The following NFIB variants were observed in gnomAD, a reference collection of about 807,000 sequenced individuals.
NFIB encodes the protein nuclear factor I B, also known as nuclear factor 1 B-type.
A neutral mutation model predicts 61.5 loss-of-function variants in NFIB; 11 were observed. The ratio of observed to expected loss-of-function variants is 0.18; its 90% CI spans 0.11 to 0.30. The LOEUF (loss-of-function observed/expected upper bound fraction) is 0.30, where lower values mean the gene tolerates loss of function less well. Among genes scored for constraint, NFIB ranks in the 10% least tolerant of loss-of-function variants. The pLI, the probability that NFIB is intolerant of heterozygous loss-of-function variation, is 1.00. For missense variants in NFIB, 471 were observed against 608.9 expected, an observed-to-expected ratio of 0.77 and a Z score of 2.38; for synonymous variants, 260 against 216.5, an observed-to-expected ratio of 1.20 and a Z score of -1.76.
intron 8 of NFIB, among the ~76,000 whole-genome samples, chr9:14,118,079 G>A (rs907051329): frequency 6.6e-6 from 1 of 151,868 alleles, no homozygotes; most frequent in African/African-American, 2.4e-5. Context: ...AAAAATCAAA[G>A]CAGATACACT....
the NFIB span, among the ~76,000 whole-genome samples, chr9:14,487,850 C>T: frequency 6.6e-6 from 1 of 152,258 alleles, no homozygotes; most frequent in African/African-American, 2.4e-5. Context: ...ATGCTCCAGA[C>T]AGACGACGAA....
intron 1 of NFIB, among the ~76,000 whole-genome samples, chr9:14,394,636 G>A (rs944371098): frequency 1.3e-5 from 2 of 152,182 alleles, no homozygotes; most frequent in Non-Finnish European, 2.9e-5. Flanking sequence ...GATTATTACA[G>A]TTCAAGGTGA....
At chr9:14,420,303 G>C in the NFIB span, among the ~76,000 whole-genome samples, 2 of 151,962 alleles carry the variant, frequency 1.3e-5, no homozygotes, top group East Asian at 3.9e-4. Context: ...AAAAATTAGT[G>C]GGCTTGGTGG....
At chr9:14,203,254 A>G (rs998777992) in intron 2 of NFIB, among the ~76,000 whole-genome samples, 9 of 152,150 alleles carry the variant, frequency 5.9e-5, no homozygotes, top group African/African-American at 1.7e-4. Context: ...TCACGGCAAC[A>G]TAACATTCAC....
chr9:14,282,008 A>C (rs914306427), intron 2 of NFIB, among the ~76,000 whole-genome samples: 2 of 152,204 alleles, frequency 1.3e-5, no homozygotes, highest in African/African-American at 2.4e-5. Flanking sequence ...TTTAAAGGAA[A>C]AACTTTGTGG....
chr9:14,417,936 C>T, the NFIB span, among the ~76,000 whole-genome samples: 1 of 151,938 alleles, frequency 6.6e-6, no homozygotes, highest in East Asian at 1.9e-4. Flanking sequence ...GCCCCCCACG[C>T]CCAGCTAATT....
At chr9:14,208,180 T>G (rs766493045) in intron 2 of NFIB, among the ~76,000 whole-genome samples, 65 of 152,192 alleles carry the variant, frequency 4.3e-4, no homozygotes, top group Non-Finnish European at 2.9e-4. Flanking sequence ...GGGTAGGCCA[T>G]TTTTTTAAAC....
At chr9:14,199,180 G>C (rs1223474903) in intron 2 of NFIB, among the ~76,000 whole-genome samples, 1 of 152,230 alleles carries the variant, frequency 6.6e-6, no homozygotes, top group African/African-American at 2.4e-5. Context: ...TATTGGCATA[G>C]GTGACTTGAG....
chr9:14,350,521 G>T (rs937874924), intron 1 of NFIB, among the ~76,000 whole-genome samples: 1 of 151,578 alleles, frequency 6.6e-6, no homozygotes, highest in South Asian at 2.1e-4. Context: ...GGGTGGGGGG[G>T]GAAGTTGGGG....
At chr9:14,371,081 C>T (rs1228661481) in intron 1 of NFIB, among the ~76,000 whole-genome samples, 4 of 152,078 alleles carry the variant, frequency 2.6e-5, no homozygotes, top group Admixed American at 6.6e-5. Context: ...GGTGATAGAG[C>T]GAGACCCTGT....
intron 2 of NFIB, among the ~76,000 whole-genome samples, chr9:14,196,906 T>C (rs1182392899): frequency 1.3e-5 from 2 of 152,240 alleles, no homozygotes; most frequent in Admixed American, 1.3e-4. Context: ...ATTATAAATG[T>C]TATTTTCCAT....
intron 2 of NFIB, among the ~76,000 whole-genome samples, chr9:14,283,279 T>C (rs1049372194): frequency 1.3e-5 from 2 of 152,342 alleles, no homozygotes; most frequent in African/African-American, 4.8e-5. Flanking sequence ...AAAGGTTTTC[T>C]AGCAAAACGC....
chr9:14,125,564 C>G lies in NFIB; in HGVS notation c.1060+68G>C, dbSNP rs764697657. The G allele has an allele frequency of 5.7e-6, 9 of 1,575,280 alleles. No homozygotes were observed. In the East Asian group the frequency reaches 2.0e-4, roughly 35 times the overall value. On this transcript the variant is annotated intron_variant, in intron 7 of 10. Transcript: ENST00000380953. Reference sequence around the variant, plus strand: ...ATAGCTCTATTTATAAACTTTTGCTCCGTCCCTAAGGGGGTTAGGCCCTAC... The same window carrying G: ...ATAGCTCTATTTATAAACTTTTGCTGCGTCCCTAAGGGGGTTAGGCCCTAC...
intron 3 of NFIB, among the ~76,000 whole-genome samples, 162 bp downstream of exon 3, chr9:14,179,565 T>A (rs922715270): frequency 3.9e-5 from 6 of 152,204 alleles, no homozygotes; most frequent in African/African-American, 1.2e-4. Context: ...ATAAAAGTAT[T>A]TGCCACTGCA....
At chr9:14,121,438 G>T (rs138690818) in intron 7 of NFIB, among the ~76,000 whole-genome samples, 1 of 152,110 alleles carries the variant, frequency 6.6e-6, no homozygotes, top group African/African-American at 2.4e-5. Flanking sequence ...CAAATAAAAC[G>T]TTTCCCTGTA....
chr9:14,524,996 T>C, the NFIB span, among the ~76,000 whole-genome samples: 4 of 152,330 alleles, frequency 2.6e-5, no homozygotes, highest in African/African-American at 9.6e-5. Context: ...AATGGAAACA[T>C]TTTGCTTGCC....
chr9:14,511,999 A>G, the NFIB span, among the ~76,000 whole-genome samples: 3 of 152,356 alleles, frequency 2.0e-5, no homozygotes, highest in Middle Eastern at 3.4e-3. Flanking sequence ...ATTTAGGTAT[A>G]AAGAACAGAT....
At chr9:14,088,550 G>C (rs984037707) in intron 10 of NFIB, among the ~76,000 whole-genome samples, 1 of 151,954 alleles carries the variant, frequency 6.6e-6, no homozygotes, top group African/African-American at 2.4e-5. Context: ...CTAAAGTGAG[G>C]CAGAAAAATC....
intron 2 of NFIB, among the ~76,000 whole-genome samples, chr9:14,227,965 T>C (rs2052640234): frequency 6.6e-6 from 1 of 152,216 alleles, no homozygotes; most frequent in African/African-American, 2.4e-5. Flanking sequence ...TACTTCAACA[T>C]CATTTTCAAG....
Sources: gnomAD v4.1 joint callset for allele counts (sites outside exome capture counted in the v4.1 genomes callset) on GRCh38, gnomAD v4.1.1 for gene constraint, MANE v1.5 for transcripts, NCBI Gene and HGNC (gene_info 2026-07-23, HGNC 2026-07-21) for gene names.